Variants in MREG observed in about 807,000 individuals in gnomAD.
MREG encodes dilute suppressor protein homolog.
MREG carries 31 observed loss-of-function variants against 28.5 expected under a neutral mutation model. That is an observed-to-expected ratio of 1.09 (90% confidence interval 0.82 to 1.47). The LOEUF (loss-of-function observed/expected upper bound fraction) is 1.47. MREG is among the 40% of genes most tolerant of loss of function. MREG has a pLI of 0.00. For missense variants in MREG, 256 were observed against 257.4 expected (o/e 0.99, Z 0.04); for synonymous variants, 106 against 95.2 (o/e 1.11, Z -0.66).
At chr2:215,975,392 C>T (rs1356475789) in intron 2 of MREG, among the ~76,000 whole-genome samples, 2 of 152,110 alleles carry the variant, frequency 1.3e-5, no homozygotes, top group South Asian at 2.1e-4. Context: ...GAGAATGGTG[C>T]CCACTGACCA....
chr2:215,942,529 A>T (rs1692211255), downstream of MREG, among the ~76,000 whole-genome samples: 1 of 152,330 alleles, frequency 6.6e-6, no homozygotes, highest in East Asian at 1.9e-4. Context: ...ATTTAAAGGG[A>T]TTATGGAAAG....
At position 215,948,721 on chromosome 2, in the gene MREG, T is replaced by C. The variant is rs138715874; in HGVS notation, c.256-1608A>G. On this transcript the variant is annotated intron_variant, in intron 2 of 4. Transcript: ENST00000263268. ...CTGGGTTTGAATCCCAGCTCTGTTATTTACTAACAGCCTGACTTCAGGGAA... is the reference window on the plus strand; with the variant it reads ...CTGGGTTTGAATCCCAGCTCTGTTACTTACTAACAGCCTGACTTCAGGGAA... 8.6e-4 allele frequency among the ~76,000 whole-genome samples: 131 copies of C among 152,298 alleles called. 1 individual carries two copies. The highest frequency in any genetic ancestry group is 3.0e-3 in the African/African-American group (124 of 41,562).
Position 216,013,355 on chromosome 2 carries a change from G to A in MREG, c.-28C>T. 2.7e-6 allele frequency: 4 copies of A among 1,493,908 alleles called. No individual in the cohort carries two copies. The highest frequency in any genetic ancestry group is 3.6e-6 in the Non-Finnish European group (4 of 1,118,806). The allele number at this position is 1,493,908 out of a possible 1,614,324, so 92.5% of individuals were successfully genotyped here. A position where few individuals can be genotyped will look rare whatever the true frequency, so the allele number is the denominator to read the frequency against. On this transcript the variant is annotated 5_prime_UTR_variant, in exon 1 of 5. Transcript: ENST00000263268. ...AGAGCGAGGGCCCCCACCGGCGCCG[G>A]AAGCCTGGGGCCGAGTCGCCGCGGC...
chr2:215,966,803 T>C (rs1236100711), intron 2 of MREG, among the ~76,000 whole-genome samples: 1 of 152,162 alleles, frequency 6.6e-6, no homozygotes, highest in Non-Finnish European at 1.5e-5. Context: ...GGTTTCGCCA[T>C]GTTGGTCAGG....
intron 1 of MREG, among the ~76,000 whole-genome samples, chr2:216,001,077 T>C (rs1354566060): frequency 1.3e-5 from 2 of 152,020 alleles, no homozygotes; most frequent in Non-Finnish European, 2.9e-5. Flanking sequence ...TTCCTCTTTA[T>C]TTCTCCTCTC....
At chr2:215,940,218 G>T (rs1442213775), downstream of MREG, among the ~76,000 whole-genome samples, 2 of 152,156 alleles carry the variant, frequency 1.3e-5, no homozygotes, top group Non-Finnish European at 2.9e-5. Flanking sequence ...GAAGATGGAA[G>T]AATATTCTAG....
intron 1 of MREG, among the ~76,000 whole-genome samples, chr2:216,009,163 T>C (rs1373723434): frequency 6.6e-6 from 1 of 152,248 alleles, no homozygotes; most frequent in Non-Finnish European, 1.5e-5. Context: ...TTGTTTTATG[T>C]GTTTCTGCCT....
upstream of MREG, among the ~76,000 whole-genome samples, chr2:216,014,092 C>G (rs1451067979): frequency 1.3e-5 from 2 of 151,956 alleles, no homozygotes; most frequent in Non-Finnish European, 2.9e-5. Context: ...TGTCCTCATC[C>G]CTTTGACCCA....
intron 2 of MREG, among the ~76,000 whole-genome samples, chr2:215,970,744 C>T (rs1042712699): frequency 4.6e-5 from 7 of 152,120 alleles, no homozygotes; most frequent in African/African-American, 7.2e-5. Flanking sequence ...AAAGCTCAAA[C>T]GTTACACGAG....
intron 2 of MREG, among the ~76,000 whole-genome samples, chr2:215,948,675 G>T (rs1692385206): frequency 6.6e-6 from 1 of 152,194 alleles, no homozygotes. Context: ...GGAAAATACT[G>T]TGGGTGCTGA....
chr2:216,028,382 G>A (rs1694628414), intron 1 of MREG, among the ~76,000 whole-genome samples: 1 of 152,016 alleles, frequency 6.6e-6, no homozygotes, highest in South Asian at 2.1e-4. Flanking sequence ...CAAAAAATTA[G>A]CTGGGCGTGG....
intron 2 of MREG, among the ~76,000 whole-genome samples, chr2:215,959,040 T>A (rs1465919949): frequency 1.3e-5 from 2 of 152,110 alleles, no homozygotes; most frequent in African/African-American, 2.4e-5. Context: ...CTAAAGCACA[T>A]CCTCCAGCTG....
intron 2 of MREG, among the ~76,000 whole-genome samples, chr2:215,987,405 C>G (rs1187415564): frequency 6.6e-6 from 1 of 151,956 alleles, no homozygotes; most frequent in Non-Finnish European, 1.5e-5. Flanking sequence ...TGCCATCACG[C>G]CCGGCTAATT....
intron 1 of MREG, among the ~76,000 whole-genome samples, chr2:216,029,805 A>G (rs1183834875): frequency 1.3e-5 from 2 of 152,230 alleles, no homozygotes; most frequent in Non-Finnish European, 2.9e-5. Context: ...TTTGACAGGG[A>G]TTCAGAGGAA....
At chr2:215,953,158 A>G (rs1411860848) in intron 2 of MREG, among the ~76,000 whole-genome samples, 1 of 152,244 alleles carries the variant, frequency 6.6e-6, no homozygotes, top group Non-Finnish European at 1.5e-5. Context: ...GGCAGCTAAT[A>G]TGTTTGCCAC....
chr2:215,966,798 C>T (rs902279532), intron 2 of MREG, among the ~76,000 whole-genome samples: 4 of 152,072 alleles, frequency 2.6e-5, no homozygotes, highest in East Asian at 1.9e-4. Flanking sequence ...GACGAGGTTT[C>T]GCCATGTTGG....
upstream of MREG, among the ~76,000 whole-genome samples, chr2:216,015,670 T>A (rs994671364): frequency 1.3e-5 from 2 of 152,092 alleles, no homozygotes; most frequent in Non-Finnish European, 2.9e-5. Context: ...AAGGTCCAGG[T>A]GACAGATGAC....
intron 1 of MREG, among the ~76,000 whole-genome samples, chr2:216,031,593 AAAG>A (rs142617261): frequency 0.2 from 29,671 of 146,736 alleles, 3,302 homozygotes; most frequent in Non-Finnish European, 0.25. Context: ...GAAGGAAAGA[AAAG>A]AAGGAAAGAA....
intron 1 of MREG, among the ~76,000 whole-genome samples, chr2:216,020,377 G>A (rs1412298060): frequency 2.6e-5 from 4 of 152,136 alleles, no homozygotes; most frequent in Admixed American, 2.6e-4. Context: ...GCATTCTCAG[G>A]TCCCCACTAG....
Sources: gnomAD v4.1 joint callset for allele counts (sites outside exome capture counted in the v4.1 genomes callset) on GRCh38, gnomAD v4.1.1 for gene constraint, MANE v1.5 for transcripts, NCBI Gene and HGNC (gene_info 2026-07-23, HGNC 2026-07-21) for gene names.